The following TOMT variants were observed in gnomAD, a reference collection of about 807,000 sequenced individuals.
The protein encoded by TOMT is transmembrane O-methyltransferase.
In TOMT, 23 loss-of-function variants were observed where a neutral mutation model predicts 21.7. The ratio of observed to expected loss-of-function variants is 1.06; its 90% CI spans 0.76 to 1.50. The LOEUF (loss-of-function observed/expected upper bound fraction) is 1.50. Ranked by LOEUF, TOMT falls within the 40% of genes most tolerant of loss-of-function variation. The pLI, the probability that TOMT is intolerant of heterozygous loss-of-function variation, is 0.00. For synonymous variants in TOMT, 132 were observed against 150.8 expected, an observed-to-expected ratio of 0.88 and a Z score of 0.91; for missense variants, 331 against 348.7, an observed-to-expected ratio of 0.95 and a Z score of 0.41.
intron 1 of TOMT, chr11:72,107,528 C>G (rs1476717430): frequency 4.3e-6 from 3 of 702,848 alleles, no homozygotes; most frequent in Non-Finnish European, 7.8e-6. Context: ...AGGAATGAGA[C>G]AGCTTGATGG....
At position 72,107,949 on chromosome 11, in the gene TOMT, G is replaced by T; in HGVS notation, c.286G>T (p.Glu96Ter). The T allele has an allele frequency of 6.4e-7, 1 of 1,551,724 alleles. No homozygotes were observed. Among genetic ancestry groups the T allele is most frequent in the East Asian group, 2.4e-5 (1 of 40,926 alleles). ...TCAGATCCTGATGCGGCTGGTGGAG[G>T]AGAAGGCCCCTGCTTGTGTGCTGGA... The change falls in exon 2 of 3, where the codon GAG (glutamate) becomes TAG (stop). Residue 96 changes from glutamate to a stop codon, truncating the protein, a stop_gained. Coordinates refer to ENST00000541899, the Ensembl canonical transcript of TOMT. LOFTEE classifies it high-confidence loss of function.
rs1325525540 is a variant in TOMT, at chr11:72,107,907, C to T, written c.260-16C>T. ...CCATCTCCCATGTCTTCTGCAACAG[C>T]CATCTCCCCTCATAGGTCAGATCCT... On this transcript the variant is annotated splice_polypyrimidine_tract_variant and intron_variant, in intron 1 of 2. Transcript: ENST00000541899. The T allele has an allele frequency of 1.3e-6, 2 of 1,551,574 alleles. No individual in the cohort carries two copies. The highest frequency in any genetic ancestry group is 1.7e-6 in the Non-Finnish European group (2 of 1,146,858).
chr11:72,106,236 C>T lies in TOMT; in HGVS notation c.259+26C>T, dbSNP rs564390967. ...GTCAGTGTTCCCTAGCCTTCTGCTC[C>T]AAGAAGTACCCCCAAGACAGTGAAG... On this transcript the variant is annotated intron_variant, in intron 1 of 2. Coordinates refer to ENST00000541899, the Ensembl canonical transcript of TOMT. The T allele has an allele frequency of 5.2e-5, 76 of 1,451,504 alleles. 1 individual carries two copies. In the East Asian group the frequency reaches 1.6e-3, roughly 31 times the overall value. 89.9% of individuals were successfully genotyped at this position (1,451,504 alleles called of 1,614,324 possible).
chr11:72,109,171 T>C (rs1005820299), exon 3 of TOMT: 13 of 531,866 alleles, frequency 2.4e-5, no homozygotes, highest in Non-Finnish European at 4.1e-5. Context: ...GCAAGAAGCC[T>C]GAGCTCCCGA....
intron 1 of TOMT, chr11:72,107,363 TTTCATAAATCTGAAAG>T (rs1359482828): frequency 4.5e-6 from 3 of 660,012 alleles, no homozygotes; most frequent in Non-Finnish European, 8.3e-6. Context: ...AACAGAGACC[TTTCATAAATCTGAAAG>T]ATAGGGTGGT....
At chr11:72,108,647 C>T in exon 3 of TOMT, 1 of 1,510,384 alleles carries the variant, frequency 6.6e-7, no homozygotes, top group Non-Finnish European at 8.9e-7. Context: ...GATCCCGTGC[C>T]TACGCACCCA....
At chr11:72,106,055 G>C (rs1027233909) in exon 1 of TOMT, 1 of 1,550,812 alleles carries the variant, frequency 6.4e-7, no homozygotes, top group African/African-American at 1.4e-5. Flanking sequence ...TTGCTGCGAA[G>C]CCTCCGAGAC....
At chr11:72,106,751 G>A (rs1173151653) in intron 1 of TOMT, 1 of 152,086 alleles carries the variant, frequency 6.6e-6, no homozygotes, top group Non-Finnish European at 1.5e-5. Flanking sequence ...GACCGGCTTG[G>A]GCAACATGGC....
intron 2 of TOMT, among the ~76,000 whole-genome samples, 181 bp downstream of exon 2, chr11:72,108,300 G>A (rs1035774295): frequency 6.6e-6 from 1 of 152,298 alleles, no homozygotes; most frequent in Middle Eastern, 3.4e-3. Context: ...TTTTCTGCCG[G>A]ATGACGAAAG....
Position 72,107,962 on chromosome 11 carries a change from C to A in TOMT, c.299C>A (p.Ala100Asp), listed in dbSNP as rs1428464638. The A allele has an allele frequency of 5.8e-6, 9 of 1,551,600 alleles. No homozygotes were observed. The highest frequency in any genetic ancestry group is 2.0e-5 in the Admixed American group (1 of 50,986). Residue 100 changes from alanine to aspartate, a missense_variant, in exon 2 of 3, where the codon GCT (alanine) becomes GAT (aspartate). Coordinates refer to ENST00000541899, the Ensembl canonical transcript of TOMT. ...CGGCTGGTGGAGGAGAAGGCCCCTG[C>A]TTGTGTGCTGGAATTGGGAACCTAC...
chr11:72,108,221 A>C (rs533495759), intron 2 of TOMT, 102 bp downstream of exon 2: 1 of 1,027,656 alleles, frequency 9.7e-7, no homozygotes, highest in Admixed American at 3.0e-5. Flanking sequence ...AAGCACCTCC[A>C]CTCTGGGGAC....
chr11:72,109,467 A>C (rs1946125448), downstream of TOMT: 1 of 392,590 alleles, frequency 2.5e-6, no homozygotes, highest in Non-Finnish European at 5.0e-6. Context: ...GCCTTCCCTA[A>C]CTCTGGCCCA....
At chr11:72,108,980 G>A (rs1946043315) in exon 3 of TOMT, 2 of 1,421,018 alleles carry the variant, frequency 1.4e-6, no homozygotes, top group East Asian at 2.5e-5. Flanking sequence ...CCCAAGCAGG[G>A]ACCTCAAAAT....
chr11:72,109,094 G>A, exon 3 of TOMT: 1 of 621,160 alleles, frequency 1.6e-6, no homozygotes, highest in South Asian at 2.1e-5. Context: ...GACCTCAAGT[G>A]TCAAGTTCTA....
At chr11:72,107,579 A>G (rs1434318918) in intron 1 of TOMT, 1 of 700,032 alleles carries the variant, frequency 1.4e-6, no homozygotes, top group Admixed American at 2.0e-5. Flanking sequence ...GATACAGGCC[A>G]CAGGTGGGAA....
exon 3 of TOMT, chr11:72,109,060 C>G (rs928062227): frequency 7.9e-6 from 6 of 759,078 alleles, no homozygotes; most frequent in Non-Finnish European, 1.2e-5. Flanking sequence ...CTTCCCACCT[C>G]TGACCTCTTT....
intron 1 of TOMT, chr11:72,107,387 G>C (rs1409235923): frequency 2.9e-6 from 2 of 688,136 alleles, no homozygotes; most frequent in Non-Finnish European, 2.7e-6. Flanking sequence ...AAGATAGGGT[G>C]GTTGTTTCTG....
Position 72,106,052 on chromosome 11 carries a change from G to A in TOMT, c.101G>A (p.Arg34Gln), listed in dbSNP as rs1212150176. The change falls in exon 1 of 3, where the codon CGA becomes CAA. Residue 34 changes from arginine (R) to glutamine (Q), a missense_variant. Arg to Gln is a conservative substitution (Grantham distance 43). Transcript: ENST00000541899. ...TTGCTGGTGCGCACGGTCTTGCTGC[G>A]AAGCCTCCGAGACTGCCTGTCAGGG... 9 of 1,550,722 alleles carry A rather than the reference G, an allele frequency of 5.8e-6. No homozygotes were observed. Among genetic ancestry groups the A allele is most frequent in the African/African-American group, 2.7e-5 (2 of 73,040 alleles).
At chr11:72,108,926 G>T (rs1275546069) in exon 3 of TOMT, 7 of 1,523,262 alleles carry the variant, frequency 4.6e-6, no homozygotes, top group Non-Finnish European at 6.2e-6. Context: ...ACCAGGCTGA[G>T]GTCCAGGCCC....
Sources: gnomAD v4.1 joint callset for allele counts (sites outside exome capture counted in the v4.1 genomes callset) on GRCh38, gnomAD v4.1.1 for gene constraint, MANE v1.5 for transcripts, NCBI Gene and HGNC (gene_info 2026-07-23, HGNC 2026-07-21) for gene names.